The following IL1RAPL2 variants were observed in gnomAD, a reference collection of about 807,000 sequenced individuals.
IL1RAPL2 encodes the protein X-linked interleukin-1 receptor accessory protein-like 2.
IL1RAPL2 carries 3 observed loss-of-function variants against 44.1 expected under a neutral mutation model. The observed-to-expected ratio is 0.07, with a 90% CI of 0.03 to 0.18. The LOEUF is 0.18. Among genes scored for constraint, IL1RAPL2 ranks in the 10% least tolerant of loss-of-function variants. The pLI is 1.00. For missense variants in IL1RAPL2, 391 were observed against 496.4 expected (o/e 0.79, Z 2.02); for synonymous variants, 181 against 178.8 (o/e 1.01, Z -0.10).
intron 4 of IL1RAPL2, among the ~76,000 whole-genome samples, chrX:105,252,421 A>G (rs2034277741): frequency 9.0e-6 from 1 of 111,696 alleles, no homozygotes; most frequent in African/African-American, 3.2e-5. Flanking sequence ...TGCTTTATCA[A>G]CATGATTTGT....
chrX:104,921,939 T>G (rs1370982318), intron 2 of IL1RAPL2, among the ~76,000 whole-genome samples: 1 of 112,299 alleles, frequency 8.9e-6, no homozygotes, highest in Non-Finnish European at 1.9e-5. Context: ...TGATAACCCC[T>G]GGCATCCTTC....
chrX:104,867,992 G>C (rs768295343), intron 2 of IL1RAPL2, among the ~76,000 whole-genome samples: 43 of 111,548 alleles, frequency 3.9e-4, no homozygotes, highest in Non-Finnish European at 7.2e-4. Context: ...ACCATATCAA[G>C]GGATTCAGTC....
intron 5 of IL1RAPL2, among the ~76,000 whole-genome samples, chrX:105,469,980 T>C (rs1448416930): frequency 9.0e-6 from 1 of 111,443 alleles, no homozygotes; most frequent in African/African-American, 3.3e-5. Context: ...TAGCCTTTAG[T>C]ACAATTAGAT....
At chrX:104,727,766 A>C (rs1281046481) in intron 2 of IL1RAPL2, among the ~76,000 whole-genome samples, 3 of 110,031 alleles carry the variant, frequency 2.7e-5, no homozygotes, top group Non-Finnish European at 5.7e-5. Flanking sequence ...AAAATAAATC[A>C]TTTTGCAGCA....
At chrX:105,558,319 A>C (rs1227375512) in intron 6 of IL1RAPL2, among the ~76,000 whole-genome samples, 1 of 111,890 alleles carries the variant, frequency 8.9e-6, no homozygotes, top group African/African-American at 3.2e-5. Flanking sequence ...CAAAGTCCTT[A>C]GCATGAGTGG....
chrX:105,465,182 G>A (rs2036119551), intron 5 of IL1RAPL2, among the ~76,000 whole-genome samples: 1 of 112,020 alleles, frequency 8.9e-6, no homozygotes, highest in Non-Finnish European at 1.9e-5. Context: ...CATTTTCTGT[G>A]AACTAATCCA....
At chrX:104,698,761 C>A (rs1931222078) in intron 2 of IL1RAPL2, among the ~76,000 whole-genome samples, 1 of 111,467 alleles carries the variant, frequency 9.0e-6, no homozygotes, top group Non-Finnish European at 1.9e-5. Flanking sequence ...ATTTTGATTT[C>A]TATGGCTTAT....
intron 1 of IL1RAPL2, among the ~76,000 whole-genome samples, chrX:104,644,647 T>C (rs1469772777): frequency 9.0e-6 from 1 of 111,089 alleles, no homozygotes; most frequent in Admixed American, 9.6e-5. Context: ...TCCCTAATCA[T>C]TTAGAGCTTG....
At position 104,760,236 on chromosome X, in the gene IL1RAPL2, C is replaced by A. The variant is rs1932404226; in HGVS notation, c.82+101241C>A. On this transcript the variant is annotated intron_variant, in intron 2 of 10. Coordinates refer to ENST00000372582, the MANE Select transcript of IL1RAPL2 (RefSeq NM_017416.2). ...TTAGCTATTGTAAACAGTGCTGCAA[C>A]AAACATGGAGGTGTAGATACTTCTT... Among the ~76,000 whole-genome samples the A allele has an allele frequency of 3.6e-5, 4 of 112,182 alleles. No homozygotes were observed. In the South Asian group the frequency reaches 1.5e-3, roughly 41 times the overall value.
chrX:105,354,330 T>G (rs1291771293), intron 5 of IL1RAPL2, among the ~76,000 whole-genome samples: 6 of 108,653 alleles, frequency 5.5e-5, no homozygotes, highest in Non-Finnish European at 9.5e-5. Context: ...CCATAAAAAA[T>G]GATGAGTTCA....
intron 6 of IL1RAPL2, among the ~76,000 whole-genome samples, chrX:105,500,960 A>C (rs1039667136): frequency 1.8e-5 from 2 of 111,689 alleles, no homozygotes; most frequent in Admixed American, 9.5e-5. Context: ...TGTCTCTACT[A>C]TACCTTATGA....
chrX:105,164,106 A>C (rs1465403894), intron 2 of IL1RAPL2, among the ~76,000 whole-genome samples: 1 of 105,469 alleles, frequency 9.5e-6, no homozygotes, highest in Non-Finnish European at 2.0e-5. Flanking sequence ...AAAAAAAAAA[A>C]CAAGCAGAAA....
intron 5 of IL1RAPL2, among the ~76,000 whole-genome samples, chrX:105,270,790 G>C (rs2034440862): frequency 9.0e-6 from 1 of 111,674 alleles, no homozygotes; most frequent in African/African-American, 3.2e-5. Context: ...ATAAGGCTAG[G>C]ATTATTTAAA....
chrX:104,892,094 C>A (rs996264347), intron 2 of IL1RAPL2, among the ~76,000 whole-genome samples: 4 of 111,586 alleles, frequency 3.6e-5, no homozygotes, highest in African/African-American at 1.3e-4. Flanking sequence ...TGGTGGACTA[C>A]ATTTATTGAT....
intron 2 of IL1RAPL2, among the ~76,000 whole-genome samples, chrX:104,813,061 T>A (rs1270218281): frequency 1.8e-5 from 2 of 112,320 alleles, no homozygotes; most frequent in Non-Finnish European, 3.8e-5. Flanking sequence ...CGAACTAGAT[T>A]ACTTCTCAGA....
chrX:105,292,641 C>A (rs976871627), intron 5 of IL1RAPL2, among the ~76,000 whole-genome samples: 2 of 111,151 alleles, frequency 1.8e-5, no homozygotes, highest in African/African-American at 6.5e-5. Context: ...GGCCTTTTTG[C>A]TTTTGCAAAA....
chrX:104,930,091 C>A (rs991947647), intron 2 of IL1RAPL2, among the ~76,000 whole-genome samples: 2 of 111,660 alleles, frequency 1.8e-5, no homozygotes, highest in African/African-American at 6.5e-5. Flanking sequence ...GAACTGCTGC[C>A]TCAGGCAAGT....
At chrX:104,715,200 C>T (rs1461777964) in intron 2 of IL1RAPL2, among the ~76,000 whole-genome samples, 4 of 109,058 alleles carry the variant, frequency 3.7e-5, no homozygotes, top group Non-Finnish European at 5.7e-5. Flanking sequence ...TTTCCTGGTT[C>T]AGTCTTGGGA....
At chrX:104,876,402 G>A (rs1487941324) in intron 2 of IL1RAPL2, among the ~76,000 whole-genome samples, 1 of 111,571 alleles carries the variant, frequency 9.0e-6, no homozygotes, top group Admixed American at 9.6e-5. Flanking sequence ...TTTATTTGGG[G>A]TCTTGCATGG....
Sources: gnomAD v4.1 joint callset for allele counts (sites outside exome capture counted in the v4.1 genomes callset) on GRCh38, gnomAD v4.1.1 for gene constraint, MANE v1.5 for transcripts, NCBI Gene and HGNC (gene_info 2026-07-23, HGNC 2026-07-21) for gene names.